ADAMTS17: variants seen among roughly 807,000 people sequenced by gnomAD.
The protein encoded by ADAMTS17 is A disintegrin and metalloproteinase with thrombospondin motifs 17.
ADAMTS17 carries 113 observed loss-of-function variants against 141.5 expected under a neutral mutation model. The ratio of observed to expected loss-of-function variants is 0.80; its 90% CI spans 0.69 to 0.93. ADAMTS17 has a LOEUF of 0.93. Ranked by LOEUF, ADAMTS17 falls within the 40% of genes least tolerant of loss-of-function variation. The probability of loss-of-function intolerance (pLI) is 0.00; values close to 1 mark genes in which losing one functional copy is unlikely to be tolerated. For missense variants in ADAMTS17, 1,659 were observed against 1,517.9 expected (o/e 1.09, Z -1.54); for synonymous variants, 768 against 630.6 (o/e 1.22, Z -3.27).
chr15:100,219,169 G>A (rs1321826964), intron 7 of ADAMTS17, among the ~76,000 whole-genome samples: 1 of 152,200 alleles, frequency 6.6e-6, no homozygotes, highest in Non-Finnish European at 1.5e-5. Flanking sequence ...CTTAGTGGGT[G>A]ACTAGTGCTT....
chr15:100,315,613 A>T (rs867178172), intron 3 of ADAMTS17, among the ~76,000 whole-genome samples: 1 of 152,220 alleles, frequency 6.6e-6, no homozygotes, highest in East Asian at 1.9e-4. Flanking sequence ...AGGTGGGTGG[A>T]CCAATCCAGT....
intron 10 of ADAMTS17, among the ~76,000 whole-genome samples, chr15:100,137,344 C>T (rs2038387323): frequency 6.6e-6 from 1 of 152,144 alleles, no homozygotes; most frequent in African/African-American, 2.4e-5. Context: ...ATGTCTTTAT[C>T]TTTTCTAGCT....
chr15:100,100,423 CACT>C (rs1478567363), intron 14 of ADAMTS17, among the ~76,000 whole-genome samples: 2 of 152,186 alleles, frequency 1.3e-5, no homozygotes, highest in African/African-American at 2.4e-5. Flanking sequence ...CCCTGGCTCT[CACT>C]ACTAAGAGTC....
rs138405311 is a variant in ADAMTS17, at chr15:99,974,487, T to G, written c.3203A>C (p.Gln1068Pro). 5.3e-5 allele frequency: 85 copies of G among 1,614,134 alleles called. No individual in the cohort carries two copies. The African/African-American group carries it at 1.1e-3, about 20-fold the overall frequency. ...CRVIREKNLC[Q>P]DMRWYQRCCQ... ...GCAGCGCTGGTACCACCGCATGTCC[T>G]GGCAGAGGTTCTTTTCTCGGATGAC... Residue 1068 changes from glutamine to proline, a missense_variant, in exon 22 of 22, where the codon CAG (glutamine) becomes CCG (proline). Gln to Pro is a moderately conservative substitution (Grantham distance 76). Transcript: ENST00000268070.
In ADAMTS17 at chr15:100,261,475, T is replaced by A; in HGVS notation, c.1031+4A>T. ...TGTCAGCTACAGGCCAAATCCCATC[T>A]TACCTGGTCACAAACACGGCAGCAT... On this transcript the variant is annotated splice_donor_region_variant and intron_variant, in intron 6 of 21. Coordinates refer to ENST00000268070, the MANE Select transcript of ADAMTS17 (RefSeq NM_139057.4). 1 of 1,614,024 alleles carries A rather than the reference T, an allele frequency of 6.2e-7. No homozygotes were observed. The highest frequency in any genetic ancestry group is 8.5e-7 in the Non-Finnish European group (1 of 1,180,012).
chr15:100,315,713 C>T (rs531692623), intron 3 of ADAMTS17, among the ~76,000 whole-genome samples: 3 of 151,838 alleles, frequency 2.0e-5, no homozygotes. Flanking sequence ...TAAAAATACA[C>T]TAAAAGACAA....
intron 8 of ADAMTS17, among the ~76,000 whole-genome samples, chr15:100,168,075 C>G (rs903398477): frequency 5.9e-5 from 9 of 152,204 alleles, no homozygotes; most frequent in South Asian, 4.1e-4. Flanking sequence ...TTCTGGGACT[C>G]CTGTTCCCCC....
At chr15:100,161,111 T>C (rs563164166) in intron 8 of ADAMTS17, among the ~76,000 whole-genome samples, 93 of 152,312 alleles carry the variant, frequency 6.1e-4, no homozygotes, top group Non-Finnish European at 1.9e-4. Context: ...TCAGACACAG[T>C]CATAACTTCA....
intron 3 of ADAMTS17, among the ~76,000 whole-genome samples, chr15:100,290,709 A>G (rs977283661): frequency 6.6e-6 from 1 of 152,186 alleles, no homozygotes; most frequent in African/African-American, 2.4e-5. Context: ...CTGCACACCT[A>G]CAACTACCTG....
Position 100,152,942 on chromosome 15 carries a change from T to C in ADAMTS17, c.1323-180A>G, listed in dbSNP as rs28530608. On this transcript the variant is annotated intron_variant, in intron 9 of 21. Transcript: ENST00000268070. ...GCTTTTTTGCTGTGCATTCCTCTTT[T>C]TCTACATGGCCAAATGTGAATCTTC... Among the ~76,000 whole-genome samples the C allele has an allele frequency of 9.0e-3, 299 of 33,334 alleles. 1 individual carries two copies. The highest frequency in any genetic ancestry group is 0.013 in the African/African-American group (282 of 20,952). 21.9% of individuals were successfully genotyped at this position (33,334 alleles called of 152,430 possible). A position where few individuals can be genotyped will look rare whatever the true frequency, so the allele number is the denominator to read the frequency against.
In ADAMTS17 at chr15:100,230,118, G is replaced by A. The variant is rs1012016729; in HGVS notation, c.1075+24018C>T. On this transcript the variant is annotated intron_variant, in intron 7 of 21. Transcript: ENST00000268070. ...ACCGGGCACTTAAACATAACCAGGG[G>A]CATATTAACTGAGAAGACAACTCAG... 7.9e-5 allele frequency among the ~76,000 whole-genome samples: 12 copies of A among 152,352 alleles called. 1 individual carries two copies. Among genetic ancestry groups the A allele is most frequent in the African/African-American group, 2.6e-4 (11 of 41,574 alleles).
intron 10 of ADAMTS17, among the ~76,000 whole-genome samples, chr15:100,141,976 G>A (rs1452465208): frequency 2.0e-5 from 3 of 152,208 alleles, no homozygotes; most frequent in Non-Finnish European, 4.4e-5. Context: ...ACCCATTCTG[G>A]CCAGGTCCAC....
At chr15:100,218,790 A>G (rs1722185320) in intron 7 of ADAMTS17, among the ~76,000 whole-genome samples, 1 of 151,622 alleles carries the variant, frequency 6.6e-6, no homozygotes. Flanking sequence ...TTATGGAAAC[A>G]TTGTTCACAA....
intron 8 of ADAMTS17, among the ~76,000 whole-genome samples, chr15:100,168,905 G>GC (rs1319776126): frequency 1.3e-5 from 2 of 152,096 alleles, no homozygotes; most frequent in African/African-American, 2.4e-5. Flanking sequence ...CCCTCCCCTT[G>GC]CCCCCCAGGT....
At chr15:100,239,419 C>T (rs2141888059) in intron 7 of ADAMTS17, among the ~76,000 whole-genome samples, 1 of 152,302 alleles carries the variant, frequency 6.6e-6, no homozygotes, top group Middle Eastern at 3.4e-3. Flanking sequence ...CCGCAGTCGA[C>T]CCTGCTGAAA....
intron 10 of ADAMTS17, among the ~76,000 whole-genome samples, chr15:100,147,605 G>A (rs188325774): frequency 6.6e-6 from 1 of 152,288 alleles, no homozygotes; most frequent in Admixed American, 6.5e-5. Flanking sequence ...ACCTCTATGA[G>A]GCAGTTCCAT....
chr15:100,166,192 C>T (rs974042328), intron 8 of ADAMTS17, among the ~76,000 whole-genome samples: 2 of 152,068 alleles, frequency 1.3e-5, no homozygotes, highest in East Asian at 1.9e-4. Context: ...TGGTTGAAAC[C>T]GTGAATAAGA....
In ADAMTS17 at chr15:100,059,359, G is replaced by A. The variant is rs368013181; in HGVS notation, c.2138-5305C>T. Among the ~76,000 whole-genome samples the A allele has an allele frequency of 2.5e-4, 38 of 152,102 alleles. No individual in the cohort carries two copies. In the East Asian group the frequency reaches 4.8e-3, roughly 19 times the overall value. ...CTCAGAGCCTGCACGCCTCTCCTCG[G>A]GACAGCGTGCTCCTAGCCACGCATT... On this transcript the variant is annotated intron_variant, in intron 15 of 21. Coordinates refer to ENST00000268070, the MANE Select transcript of ADAMTS17 (RefSeq NM_139057.4).
At chr15:100,028,466 G>C (rs79300400) in intron 18 of ADAMTS17, among the ~76,000 whole-genome samples, 1 of 152,208 alleles carries the variant, frequency 6.6e-6, no homozygotes, top group Non-Finnish European at 1.5e-5. Context: ...AAGTTCTGTA[G>C]CATCTTGGAT....
Sources: gnomAD v4.1 joint callset for allele counts (sites outside exome capture counted in the v4.1 genomes callset) on GRCh38, gnomAD v4.1.1 for gene constraint, MANE v1.5 for transcripts, NCBI Gene and HGNC (gene_info 2026-07-23, HGNC 2026-07-21) for gene names.